TMEM248: variants seen among roughly 807,000 people sequenced by gnomAD.
The protein encoded by TMEM248 is transmembrane protein 248, also known as UPF0458 protein C7orf42.
Under a neutral mutation model 30.3 loss-of-function variants are expected in TMEM248, and 9 were observed. The ratio of observed to expected loss-of-function variants is 0.30; its 90% CI spans 0.18 to 0.52. The LOEUF (loss-of-function observed/expected upper bound fraction) is 0.52, where lower values mean the gene tolerates loss of function less well. Ranked by LOEUF, TMEM248 falls within the 20% of genes least tolerant of loss-of-function variation. The probability of loss-of-function intolerance (pLI) is 0.97; values close to 1 mark genes in which losing one functional copy is unlikely to be tolerated. For missense variants in TMEM248, 338 were observed against 403.3 expected (o/e 0.84, Z 1.39); for synonymous variants, 184 against 154.4 (o/e 1.19, Z -1.42).
At chr7:66,945,722 G>A (rs1212620901) in intron 3 of TMEM248, among the ~76,000 whole-genome samples, 1 of 152,164 alleles carries the variant, frequency 6.6e-6, no homozygotes, top group Non-Finnish European at 1.5e-5. Context: ...AGGCCGAGGT[G>A]GGTGGATTGC....
Position 66,945,144 on chromosome 7 carries a change from G to A in TMEM248, c.328G>A (p.Val110Met). 1 of 1,614,192 alleles carries A rather than the reference G, an allele frequency of 6.2e-7. No homozygotes were observed. The highest frequency in any genetic ancestry group is 1.1e-5 in the South Asian group (1 of 91,086). The change falls in exon 3 of 7, where the codon GTG becomes ATG. Residue 110 changes from valine (V) to methionine (M), a missense_variant. Physicochemically the swap from Val to Met is conservative, Grantham distance 21. Transcript: ENST00000341567. ...SPQALEDSGP[V>M]NISVSITLTL... ...CCAGGCCCTGGAGGACTCGGGCCCG[G>A]TGAATATCTCAGTCTCAATCACCCT...
chr7:66,955,361 T>G, intron 6 of TMEM248, 141 bp from the exon 7 acceptor site: 6 of 960,684 alleles, frequency 6.2e-6, no homozygotes, highest in Non-Finnish European at 9.6e-6. Context: ...TCTTCCTAGG[T>G]GAGATTTTCT....
At chr7:66,936,503 G>A (rs996088551) in intron 1 of TMEM248, among the ~76,000 whole-genome samples, 11 of 152,150 alleles carry the variant, frequency 7.2e-5, no homozygotes, top group Non-Finnish European at 1.5e-4. Context: ...AGGGATATCT[G>A]CCTGTAGTTT....
chr7:66,931,170 A>G (rs910090088), intron 1 of TMEM248, among the ~76,000 whole-genome samples: 3 of 151,846 alleles, frequency 2.0e-5, no homozygotes, highest in Non-Finnish European at 4.4e-5. Flanking sequence ...GGACGTGGTG[A>G]TGTGCACCTG....
intron 4 of TMEM248, among the ~76,000 whole-genome samples, chr7:66,949,185 C>G (rs900634915): frequency 2.6e-5 from 4 of 151,594 alleles, no homozygotes; most frequent in Non-Finnish European, 5.9e-5. Context: ...AAAAGAGGCT[C>G]TCTAAAGATA....
Position 66,956,761 on chromosome 7 carries a change from A to G in TMEM248, c.*1239A>G, listed in dbSNP as rs969681171. The G allele has an allele frequency of 5.6e-4, 85 of 151,616 alleles. No individual in the cohort carries two copies. Among genetic ancestry groups the G allele is most frequent in the African/African-American group, 2.0e-3 (82 of 41,280 alleles). The allele number at this position is 151,616 out of a possible 1,614,324, so 9.4% of individuals were successfully genotyped here. ...GGAGCTTAGCTCAGTGCAGCCTCCA[A>G]CTCCTGGGCTCAAGCAATCCTCCCA... On this transcript the variant is annotated 3_prime_UTR_variant, in exon 7 of 7. Coordinates refer to ENST00000341567, the MANE Select transcript of TMEM248 (RefSeq NM_017994.5).
intron 6 of TMEM248, among the ~76,000 whole-genome samples, chr7:66,954,761 G>A (rs977280373): frequency 1.3e-5 from 2 of 152,038 alleles, no homozygotes; most frequent in Admixed American, 1.3e-4. Flanking sequence ...GAAGGCCAGC[G>A]GTAGTTTCTG....
intron 5 of TMEM248, among the ~76,000 whole-genome samples, chr7:66,951,725 T>G (rs1332157357): frequency 6.6e-6 from 1 of 151,948 alleles, no homozygotes; most frequent in Non-Finnish European, 1.5e-5. Context: ...TCGCCCAGAT[T>G]GGGGTCTAGT....
In TMEM248 at chr7:66,941,828, T is replaced by C; in HGVS notation, c.-18-20T>C. 1 of 1,583,434 alleles carries C rather than the reference T, an allele frequency of 6.3e-7. No individual in the cohort carries two copies. Among genetic ancestry groups the C allele is most frequent in the South Asian group, 1.1e-5 (1 of 86,978 alleles). On this transcript the variant is annotated intron_variant, in intron 1 of 6. Coordinates refer to ENST00000341567, the MANE Select transcript of TMEM248 (RefSeq NM_017994.5). Reference sequence around the variant, plus strand: ...CTGTTGGCAAGTCAGTCCTTGAAGCTTCTGATTCATTTCTTTCAGGTGGAG... The same window carrying C: ...CTGTTGGCAAGTCAGTCCTTGAAGCCTCTGATTCATTTCTTTCAGGTGGAG...
intron 5 of TMEM248, among the ~76,000 whole-genome samples, chr7:66,952,083 T>C (rs1056846988): frequency 2.0e-5 from 3 of 151,970 alleles, no homozygotes; most frequent in Non-Finnish European, 4.4e-5. Context: ...TTCTTTATTT[T>C]AATTTTTTTT....
intron 1 of TMEM248, among the ~76,000 whole-genome samples, chr7:66,936,508 T>C (rs1791807641): frequency 6.6e-6 from 1 of 152,104 alleles, no homozygotes; most frequent in African/African-American, 2.4e-5. Flanking sequence ...TATCTGCCTG[T>C]AGTTTTCCTT....
In TMEM248 at chr7:66,955,576, G is replaced by A; in HGVS notation, c.*54G>A. ...ACTGAGAGAACCATAATCCTTGCCTGCTGAACCCAGCCTGGGCCTGGATGC... is the reference window on the plus strand; with the variant it reads ...ACTGAGAGAACCATAATCCTTGCCTACTGAACCCAGCCTGGGCCTGGATGC... On this transcript the variant is annotated 3_prime_UTR_variant, in exon 7 of 7. Coordinates refer to ENST00000341567, the MANE Select transcript of TMEM248 (RefSeq NM_017994.5). 6.2e-7 allele frequency: 1 copy of A among 1,607,420 alleles called. No individual in the cohort carries two copies.
rs1792400179 is a variant in TMEM248, at chr7:66,956,228, C to CT, written c.*707dup. On this transcript the variant is annotated 3_prime_UTR_variant, in exon 7 of 7. Coordinates refer to ENST00000341567, the MANE Select transcript of TMEM248 (RefSeq NM_017994.5). Reference sequence around the variant, plus strand: ...TTTAAGTCACATACATGGTAAAGATCTAAGTTTCATTTTCCACATGGATGA... The same window carrying CT: ...TTTAAGTCACATACATGGTAAAGATCTTAAGTTTCATTTTCCACATGGATGA... The CT allele has an allele frequency of 6.6e-6, 1 of 152,118 alleles. No individual in the cohort carries two copies. The highest frequency in any genetic ancestry group is 1.5e-5 in the Non-Finnish European group (1 of 68,034). The allele number at this position is 152,118 out of a possible 1,614,324, so 9.4% of individuals were successfully genotyped here.
At chr7:66,934,205 T>G (rs1016280754) in intron 1 of TMEM248, among the ~76,000 whole-genome samples, 2 of 151,466 alleles carry the variant, frequency 1.3e-5, no homozygotes, top group African/African-American at 4.8e-5. Flanking sequence ...TATTTTATTA[T>G]TATTATTATT....
At chr7:66,930,546 C>T (rs555590085) in intron 1 of TMEM248, 2 of 152,346 alleles carry the variant, frequency 1.3e-5, no homozygotes, top group Admixed American at 6.5e-5. Flanking sequence ...CTTAGCAGCC[C>T]AGAGATTACT....
chr7:66,951,010 T>G lies in TMEM248; in HGVS notation c.655T>G (p.Phe219Val). The G allele has an allele frequency of 6.2e-7, 1 of 1,612,352 alleles. No individual in the cohort carries two copies. The highest frequency in any genetic ancestry group is 2.2e-5 in the East Asian group (1 of 44,742). The change falls in exon 5 of 7, where the codon TTC becomes GTC. Residue 219 changes from phenylalanine to valine, a missense_variant. Phe to Val is a conservative substitution (Grantham distance 50). Transcript: ENST00000341567. ...CAACGCCACGCTCTGGTACAAGATC[T>G]TCACAACTGCCAGAGATGCCAACAC... is the stretch of plus-strand genomic sequence containing the variant. ...YSNATLWYKIFTTARDANTKY... is the reference protein window; with the variant it reads ...YSNATLWYKIVTTARDANTKY...
At position 66,955,847 on chromosome 7, in the gene TMEM248, C is replaced by T. The variant is rs983882931; in HGVS notation, c.*325C>T. ...CTAGCTGGTCACGACGATGTTTTCA[C>T]CAAGGTCACAGGAGCATTGCGTCGC... On this transcript the variant is annotated 3_prime_UTR_variant, in exon 7 of 7. Coordinates refer to ENST00000341567, the MANE Select transcript of TMEM248 (RefSeq NM_017994.5). The T allele has an allele frequency of 3.1e-5, 10 of 327,568 alleles. No individual in the cohort carries two copies. Among genetic ancestry groups the T allele is most frequent in the Admixed American group, 1.4e-4 (3 of 21,080 alleles). The allele number at this position is 327,568 out of a possible 1,614,324, so 20.3% of individuals were successfully genotyped here. A position where few individuals can be genotyped will look rare whatever the true frequency, so the allele number is the denominator to read the frequency against.
chr7:66,921,720 C>A (rs889327225), intron 1 of TMEM248: 1 of 152,280 alleles, frequency 6.6e-6, no homozygotes, highest in Non-Finnish European at 1.5e-5. Flanking sequence ...GGCGGGACTT[C>A]CCACGTCTGG....
chr7:66,942,920 G>A (rs971002704), intron 2 of TMEM248, among the ~76,000 whole-genome samples: 2 of 151,366 alleles, frequency 1.3e-5, no homozygotes, highest in Non-Finnish European at 2.9e-5. Context: ...GCCGCATTGA[G>A]TGTGCCTTGC....
Sources: gnomAD v4.1 joint callset for allele counts (sites outside exome capture counted in the v4.1 genomes callset) on GRCh38, gnomAD v4.1.1 for gene constraint, MANE v1.5 for transcripts, NCBI Gene and HGNC (gene_info 2026-07-23, HGNC 2026-07-21) for gene names.